The following CLIC2 variants were observed in gnomAD, a reference collection of about 807,000 sequenced individuals.
CLIC2 encodes the protein CLIC family member 2, also known as chloride intracellular channel protein 2.
A neutral mutation model predicts 14.8 loss-of-function variants in CLIC2; 9 were observed. The ratio of observed to expected loss-of-function variants is 0.61; its 90% confidence interval spans 0.37 to 1.06. The LOEUF is 1.06. Ranked by LOEUF, CLIC2 falls within the 50% of genes least tolerant of loss-of-function variation. The probability of loss-of-function intolerance (pLI) is 0.01; values close to 1 mark genes in which losing one functional copy is unlikely to be tolerated. For synonymous variants in CLIC2, 61 were observed against 66.3 expected, an observed-to-expected ratio of 0.92 and a Z score of 0.39; for missense variants, 148 against 181.4, an observed-to-expected ratio of 0.82 and a Z score of 1.06.
At chrX:155,280,813 A>C (rs372852358) in intron 3 of CLIC2, among the ~76,000 whole-genome samples, 3 of 110,789 alleles carry the variant, frequency 2.7e-5, no homozygotes, top group African/African-American at 9.8e-5. Context: ...CCACATTAAC[A>C]AATCAAATAA....
intron 3 of CLIC2, among the ~76,000 whole-genome samples, chrX:155,296,320 G>A (rs2074991874): frequency 8.9e-6 from 1 of 111,813 alleles, no homozygotes; most frequent in Non-Finnish European, 1.9e-5. Context: ...GCAGAAGAAT[G>A]AAACTTGATC....
At chrX:155,278,451 T>C (rs1189932668) in intron 5 of CLIC2, among the ~76,000 whole-genome samples, 2 of 112,192 alleles carry the variant, frequency 1.8e-5, no homozygotes, top group African/African-American at 6.5e-5. Context: ...ATGCAATAAA[T>C]ATTTATTAAA....
At chrX:155,313,196 G>GAAAAA (rs1557320762) in intron 1 of CLIC2, among the ~76,000 whole-genome samples, 1 of 48,848 alleles carries the variant, frequency 2.0e-5, no homozygotes, top group Non-Finnish European at 3.7e-5. Context: ...TATAAATAAG[G>GAAAAA]CAAAAAAAAA....
intron 1 of CLIC2, among the ~76,000 whole-genome samples, chrX:155,333,105 A>T (rs782214473): frequency 1.8e-5 from 2 of 112,177 alleles, no homozygotes; most frequent in East Asian, 5.6e-4. Flanking sequence ...ACAATTTTGA[A>T]AAGACAGGTT....
At chrX:155,298,949 T>C (rs941026764) in intron 2 of CLIC2, 39 bp from the exon 3 acceptor site, 6 of 1,186,743 alleles carry the variant, frequency 5.1e-6, no homozygotes, top group South Asian at 3.6e-5. Context: ...GGTCTCTAGA[T>C]AAAGTACACA....
At chrX:155,329,398 A>G (rs1463851749) in intron 1 of CLIC2, among the ~76,000 whole-genome samples, 1 of 107,484 alleles carries the variant, frequency 9.3e-6, no homozygotes, top group Non-Finnish European at 1.9e-5. Context: ...CAAAACTACA[A>G]TGAGATATCA....
At chrX:155,320,542 G>C (rs906794464) in intron 1 of CLIC2, among the ~76,000 whole-genome samples, 2 of 111,637 alleles carry the variant, frequency 1.8e-5, no homozygotes, top group African/African-American at 3.3e-5. Flanking sequence ...CCACACAGAA[G>C]GTCACCATCC....
intron 3 of CLIC2, among the ~76,000 whole-genome samples, chrX:155,296,819 G>A (rs782754188): frequency 1.5e-4 from 17 of 111,160 alleles, no homozygotes; most frequent in Non-Finnish European, 3.0e-4. Flanking sequence ...ATTAACAGAC[G>A]TTGGCAAGGA....
intron 1 of CLIC2, among the ~76,000 whole-genome samples, chrX:155,304,839 G>C (rs7887716): frequency 1.1e-4 from 8 of 75,914 alleles, no homozygotes; most frequent in Admixed American, 4.6e-4. Context: ...GTACCCTGCC[G>C]TGTGAGGTGT....
At chrX:155,295,248 T>C (rs1359609702) in intron 3 of CLIC2, among the ~76,000 whole-genome samples, 2 of 111,160 alleles carry the variant, frequency 1.8e-5, no homozygotes, top group Non-Finnish European at 3.8e-5. Context: ...ATGACATCCA[T>C]AGAATAAAGG....
At chrX:155,293,425 C>T in intron 3 of CLIC2, 1 of 700,839 alleles carries the variant, frequency 1.4e-6, no homozygotes, top group Non-Finnish European at 2.3e-6. Flanking sequence ...TCCTTCTTGC[C>T]TGGATATAAA....
At chrX:155,292,233 T>G (rs1246207541) in intron 3 of CLIC2, 6 of 567,545 alleles carry the variant, frequency 1.1e-5, no homozygotes, top group Non-Finnish European at 1.9e-5. Flanking sequence ...TATCCAGATT[T>G]AGAGAGACGA....
At chrX:155,304,618 TGGTGAGGAA>T (rs2075039639) in intron 1 of CLIC2, among the ~76,000 whole-genome samples, 1 of 103,438 alleles carries the variant, frequency 9.7e-6, no homozygotes, top group East Asian at 3.0e-4. Flanking sequence ...GTTCTGTTGC[TGGTGAGGAA>T]CTGCGTTCCT....
intron 1 of CLIC2, among the ~76,000 whole-genome samples, chrX:155,305,003 T>G (rs1455764888): frequency 1.8e-5 from 2 of 110,470 alleles, no homozygotes; most frequent in African/African-American, 3.3e-5. Flanking sequence ...CAGGGACATT[T>G]AAGTCGGCAG....
At position 155,299,128 on chromosome X, in the gene CLIC2, C is replaced by G. The variant is rs1557318713; in HGVS notation, c.75G>C (p.Glu25Asp). The change falls in exon 2 of 6, where the codon GAG (glutamate) becomes GAC (aspartate). Residue 25 changes from glutamate (E) to aspartate (D), a missense_variant. Physicochemically the swap from Glu to Asp is conservative, Grantham distance 45 (BLOSUM62 2). Transcript: ENST00000369449. ...ELFVKAGSDG[E>D]SIGNCPFCQR... ...GGCAAAAGGGACAGTTTCCAATACT[C>G]TCTCCATCACTTCCAGCCTATTAAG... The G allele has an allele frequency of 2.5e-6, 3 of 1,198,587 alleles. No homozygotes were observed. The highest frequency in any genetic ancestry group is 3.4e-6 in the Non-Finnish European group (3 of 885,291).
intron 1 of CLIC2, among the ~76,000 whole-genome samples, chrX:155,325,594 G>C (rs920615784): frequency 9.4e-6 from 1 of 106,349 alleles, no homozygotes; most frequent in Non-Finnish European, 1.9e-5. Flanking sequence ...GTTGCGGAGT[G>C]GGGGGAAATG....
At chrX:155,296,541 C>CATGA (rs1470146229) in intron 3 of CLIC2, among the ~76,000 whole-genome samples, 2 of 111,587 alleles carry the variant, frequency 1.8e-5, no homozygotes, top group Non-Finnish European at 3.8e-5. Flanking sequence ...AGCTTCTGCA[C>CATGA]AGCAAAAGAA....
intron 1 of CLIC2, among the ~76,000 whole-genome samples, chrX:155,332,619 A>C (rs904951491): frequency 4.4e-5 from 4 of 91,550 alleles, no homozygotes; most frequent in Non-Finnish European, 9.1e-5. Context: ...TCTTTGCTTT[A>C]ATTTCTGTAT....
rs1215390164 is a variant in CLIC2 at position 155,301,405 on chromosome X, C to T, written c.58-2260G>A. On this transcript the variant is annotated intron_variant, in intron 1 of 5. Coordinates refer to ENST00000369449, the MANE Select transcript of CLIC2 (RefSeq NM_001289.6). ...GTCTGTTGTTGGTGTATAAGAATGC[C>T]TGTGATTTTTGCACATTGATTTTGT... Among the ~76,000 whole-genome samples, 5 of 110,802 alleles carry T rather than the reference C, an allele frequency of 4.5e-5. No homozygotes were observed. The South Asian group carries it at 1.2e-3, about 26-fold the overall frequency.
Sources: allele counts gnomAD v4.1 joint callset (sites outside exome capture counted in the v4.1 genomes callset), GRCh38; gene constraint gnomAD v4.1.1; transcripts MANE v1.5; gene names NCBI Gene and HGNC (gene_info 2026-07-23, HGNC 2026-07-21).